Variants in ATP7B observed in about 807,000 individuals in gnomAD.
ATP7B encodes copper-transporting ATPase 2.
Under a neutral mutation model 118.9 loss-of-function variants are expected in ATP7B, and 113 were observed. That is an observed-to-expected ratio of 0.95 (90% CI 0.82 to 1.11). The LOEUF (loss-of-function observed/expected upper bound fraction) is 1.11, where lower values mean the gene tolerates loss of function less well. ATP7B is among the 50% of genes most tolerant of loss of function. The pLI is 0.00. For missense variants in ATP7B, 1,867 were observed against 1,871.4 expected (o/e 1.00, Z 0.04); for synonymous variants, 777 against 727.4 (o/e 1.07, Z -1.10).
intron 2 of ATP7B, 76 bp downstream of exon 2, chr13:51,973,859 T>C: frequency 1.2e-6 from 2 of 1,603,436 alleles, no homozygotes; most frequent in Non-Finnish European, 1.7e-6. Flanking sequence ...GGCTCACCTA[T>C]ACCACCATCC....
At chr13:51,999,801 T>C (rs1274378641) in intron 1 of ATP7B, among the ~76,000 whole-genome samples, 7 of 152,172 alleles carry the variant, frequency 4.6e-5, no homozygotes, top group Non-Finnish European at 1.0e-4. Context: ...TGCTGCCACC[T>C]GGCAGTCCAA....
chr13:51,958,261 A>T, intron 8 of ATP7B, 50 bp downstream of exon 8: 1 of 1,574,232 alleles, frequency 6.4e-7, no homozygotes, highest in Non-Finnish European at 8.7e-7. Context: ...AGGAAGTGAG[A>T]TTTGTTTACT....
chr13:51,983,017 A>T (rs1331506557), intron 1 of ATP7B, among the ~76,000 whole-genome samples: 1 of 152,086 alleles, frequency 6.6e-6, no homozygotes, highest in East Asian at 1.9e-4. Flanking sequence ...TAGCTGCAGG[A>T]GTTTTTTTTT....
chr13:51,975,157 C>G lies in ATP7B; in HGVS notation c.63G>C (p.Lys21Asn), dbSNP rs775666269. The change falls in exon 2 of 21, where the codon AAG becomes AAC. Residue 21 changes from lysine (K) to asparagine (N), a missense_variant. Lys to Asn is a moderately conservative substitution (Grantham distance 94). Transcript: ENST00000242839. The stretch of plus-strand genomic sequence containing the variant: ...CCCAGGCACGGGTAGGCAAAGAAAG[C>G]TTAGATAAGATCTAAAAAGAAAAGA... ...REGASRKILS[K>N]LSLPTRAWEP... The G allele has an allele frequency of 1.9e-6, 3 of 1,614,172 alleles. No individual in the cohort carries two copies. The highest frequency in any genetic ancestry group is 2.5e-6 in the Non-Finnish European group (3 of 1,179,996).
At position 51,974,331 on chromosome 13, in the gene ATP7B, C is replaced by A. The variant is rs369823735; in HGVS notation, c.889G>T (p.Ala297Ser). ...CAAGAAGGGTCATACTTTACTTGGGCAGTTTTGTTCTCCAAGGACACTTGA... is the reference window on the plus strand; with the variant it reads ...CAAGAAGGGTCATACTTTACTTGGGAAGTTTTGTTCTCCAAGGACACTTGA... ...SIQVSLENKT[A>S]QVKYDPSCTS... Residue 297 changes from alanine (A) to serine (S), a missense_variant, in exon 2 of 21, where the codon GCC becomes TCC. By Grantham distance (99) the Ala-to-Ser change is moderately conservative. Coordinates refer to ENST00000242839, the MANE Select transcript of ATP7B (RefSeq NM_000053.4). 5 of 1,613,958 alleles carry A rather than the reference C, an allele frequency of 3.1e-6. No individual in the cohort carries two copies. The African/African-American group carries it at 6.7e-5, about 22-fold the overall frequency.
intron 13 of ATP7B, 110 bp downstream of exon 13, chr13:51,946,174 T>C (rs1282835283): frequency 3.6e-6 from 5 of 1,402,920 alleles, no homozygotes; most frequent in Non-Finnish European, 9.7e-7. Flanking sequence ...CTATTCTATG[T>C]AATTAACACT....
intron 1 of ATP7B, among the ~76,000 whole-genome samples, chr13:51,999,267 A>C (rs763439624): frequency 2.6e-5 from 4 of 152,188 alleles, no homozygotes; most frequent in Non-Finnish European, 4.4e-5. Context: ...GAATTCCTCA[A>C]ACACTAGGTG....
At chr13:51,997,516 G>C (rs1455363484) in intron 1 of ATP7B, among the ~76,000 whole-genome samples, 1 of 152,136 alleles carries the variant, frequency 6.6e-6, no homozygotes, top group Non-Finnish European at 1.5e-5. Flanking sequence ...ACCATTTCTA[G>C]ATGGTGGCTC....
At chr13:51,991,735 C>A (rs1219647727) in intron 1 of ATP7B, among the ~76,000 whole-genome samples, 1 of 152,120 alleles carries the variant, frequency 6.6e-6, no homozygotes, top group African/African-American at 2.4e-5. Context: ...TCCAGCTCAC[C>A]ATTCTGGGCC....
At chr13:52,011,085 TTTTCCATTGCTCCCAAACATC>T in intron 1 of ATP7B, among the ~76,000 whole-genome samples, 181 bp downstream of exon 1, 1 of 151,994 alleles carries the variant, frequency 6.6e-6, no homozygotes, top group East Asian at 1.9e-4. Context: ...AGGTGCGGGG[TTTTCCATTGCTCCCAAACATC>T]AGTTGACGGC....
chr13:51,998,973 G>T (rs781366821), intron 1 of ATP7B, among the ~76,000 whole-genome samples: 2 of 152,214 alleles, frequency 1.3e-5, no homozygotes, highest in Non-Finnish European at 2.9e-5. Flanking sequence ...CCTGTGACAG[G>T]ACAGGAGGGC....
At position 51,974,510 on chromosome 13, in the gene ATP7B, G is replaced by C; in HGVS notation, c.710C>G (p.Ser237Cys). 6.2e-7 allele frequency: 1 copy of C among 1,614,194 alleles called. No individual in the cohort carries two copies. The highest frequency in any genetic ancestry group is 8.5e-7 in the Non-Finnish European group (1 of 1,180,038). ...LQSTNPKRPL[S>C]SANQNFNNSE... ...ATTATTAAAATTCTGGTTAGCAGAA[G>C]ATAAAGGTCTCTTTGGGTTAGTGCT... Residue 237 changes from serine (S) to cysteine (C), a missense_variant, in exon 2 of 21, where the codon TCT (serine) becomes TGT (cysteine). By Grantham distance (112) the Ser-to-Cys change is moderately radical. Coordinates refer to ENST00000242839, the MANE Select transcript of ATP7B (RefSeq NM_000053.4).
chr13:52,008,626 G>A (rs1018778964), intron 1 of ATP7B, among the ~76,000 whole-genome samples: 2 of 152,076 alleles, frequency 1.3e-5, no homozygotes, highest in Non-Finnish European at 2.9e-5. Context: ...AAATTACAAC[G>A]GTTTAAGAAG....
intron 1 of ATP7B, chr13:51,975,511 G>C (rs56254313): frequency 4.5e-5 from 24 of 531,946 alleles, no homozygotes; most frequent in Non-Finnish European, 7.4e-5. Flanking sequence ...AGAGGGCACA[G>C]CGGCTCACGG....
chr13:51,998,667 A>ACCT (rs1378708467), intron 1 of ATP7B, among the ~76,000 whole-genome samples: 1 of 152,048 alleles, frequency 6.6e-6, no homozygotes, highest in African/African-American at 2.4e-5. Context: ...CATCTTCTTT[A>ACCT]CCTCCTATTC....
intron 1 of ATP7B, among the ~76,000 whole-genome samples, chr13:51,984,103 T>TA (rs978571968): frequency 6.6e-6 from 1 of 151,400 alleles, no homozygotes; most frequent in Non-Finnish European, 1.5e-5. Context: ...AGGTGGGTAA[T>TA]AAAAAAACTC....
chr13:51,955,064 A>C, intron 9 of ATP7B, among the ~76,000 whole-genome samples: 1 of 152,198 alleles, frequency 6.6e-6, no homozygotes, highest in East Asian at 1.9e-4. Flanking sequence ...CAAGACTTGG[A>C]GTAAAGAGAA....
intron 9 of ATP7B, 141 bp downstream of exon 9, chr13:51,957,375 T>G (rs529286053): frequency 1.1e-6 from 1 of 880,378 alleles, no homozygotes; most frequent in South Asian, 1.4e-5. Context: ...CTTTCGTAGC[T>G]GGATTGAGAG....
intron 7 of ATP7B, chr13:51,959,297 A>G (rs1958574157): frequency 6.5e-6 from 1 of 152,720 alleles, no homozygotes; most frequent in Non-Finnish European, 1.5e-5. Flanking sequence ...TGGGAGACTG[A>G]GCTTGGAGGA....
Sources: gnomAD v4.1 joint callset for allele counts (sites outside exome capture counted in the v4.1 genomes callset) on GRCh38, gnomAD v4.1.1 for gene constraint, MANE v1.5 for transcripts, NCBI Gene and HGNC (gene_info 2026-07-23, HGNC 2026-07-21) for gene names.